Variants in SRR observed in about 807,000 individuals in gnomAD.
SRR encodes D-serine ammonia-lyase.
Under a neutral mutation model 32.7 loss-of-function variants are expected in SRR, and 19 were observed. That is an observed-to-expected ratio of 0.58 (90% CI 0.40 to 0.85). SRR has a LOEUF of 0.85. Ranked by LOEUF, SRR falls within the 40% of genes least tolerant of loss-of-function variation. The pLI is 0.00. For synonymous variants in SRR, 142 were observed against 140.9 expected, an observed-to-expected ratio of 1.01 and a Z score of -0.06; for missense variants, 373 against 404.7, an observed-to-expected ratio of 0.92 and a Z score of 0.67.
intron 1 of SRR, among the ~76,000 whole-genome samples, chr17:2,305,979 G>C (rs1027053036): frequency 6.6e-6 from 1 of 150,944 alleles, no homozygotes. Context: ...GATTACAGGC[G>C]TGAGCCACCG....
Position 2,321,701 on chromosome 17 carries a change from C to T in SRR, c.594+85C>T, listed in dbSNP as rs1156449910. ...GTTCTGTATACACGTGCTCAACATT[C>T]TGCACACATTACCATTCCTTCCCCT... On this transcript the variant is annotated intron_variant, in intron 6 of 7. Transcript: ENST00000344595. 4.9e-6 allele frequency: 6 copies of T among 1,218,308 alleles called. No individual in the cohort carries two copies. In the South Asian group the frequency reaches 6.2e-5, roughly 13 times the overall value. 75.5% of individuals were successfully genotyped at this position (1,218,308 alleles called of 1,614,324 possible). A position where few individuals can be genotyped will look rare whatever the true frequency, so the allele number is the denominator to read the frequency against.
chr17:2,324,403 A>C lies in SRR; in HGVS notation c.*530A>C. 1.3e-6 allele frequency: 2 copies of C among 1,597,766 alleles called. No individual in the cohort carries two copies. Among genetic ancestry groups the C allele is most frequent in the Non-Finnish European group, 1.7e-6 (2 of 1,172,834 alleles). On this transcript the variant is annotated 3_prime_UTR_variant, in exon 8 of 8. Transcript: ENST00000344595. Reference sequence around the variant, plus strand: ...GAAAGACATCAGAACAAGTCGGTCAAATTAAAAGTAGAAAATTTTAAAGCA... The same window carrying C: ...GAAAGACATCAGAACAAGTCGGTCACATTAAAAGTAGAAAATTTTAAAGCA...
Position 2,323,550 on chromosome 17 carries a change from C to A in SRR, c.805-105C>A, listed in dbSNP as rs1265710122. 3.1e-6 allele frequency: 4 copies of A among 1,289,558 alleles called. No homozygotes were observed. In the African/African-American group the frequency reaches 5.9e-5, roughly 19 times the overall value. The allele number at this position is 1,289,558 out of a possible 1,614,324, so 79.9% of individuals were successfully genotyped here. Reference sequence around the variant, plus strand: ...AAAAGCTTTGGGAAGCGTGTGTACACAGTGATAAGAAAATTCAAACTGGAC... The same window carrying A: ...AAAAGCTTTGGGAAGCGTGTGTACAAAGTGATAAGAAAATTCAAACTGGAC... On this transcript the variant is annotated intron_variant, in intron 7 of 7. Coordinates refer to ENST00000344595, the MANE Select transcript of SRR (RefSeq NM_021947.3).
chr17:2,321,161 G>T, intron 4 of SRR, 145 bp from the exon 5 acceptor site: 1 of 928,288 alleles, frequency 1.1e-6, no homozygotes, highest in Non-Finnish European at 1.7e-6. Context: ...TTGAGGGCAG[G>T]GATATTTTAT....
chr17:2,307,711 G>T, intron 1 of SRR: 1 of 1,000,536 alleles, frequency 1.0e-6, no homozygotes, highest in South Asian at 1.3e-5. Flanking sequence ...AGTGGCGGAA[G>T]ATTTTAATTA....
At chr17:2,306,496 C>G (rs2075391330) in intron 1 of SRR, among the ~76,000 whole-genome samples, 1 of 152,132 alleles carries the variant, frequency 6.6e-6, no homozygotes, top group Non-Finnish European at 1.5e-5. Flanking sequence ...GTGGGCAGAT[C>G]ACTTGAGGTC....
At chr17:2,309,357 C>G (rs374515000) in intron 1 of SRR, among the ~76,000 whole-genome samples, 2 of 152,204 alleles carry the variant, frequency 1.3e-5, no homozygotes, top group African/African-American at 4.8e-5. Flanking sequence ...AATCATCTCC[C>G]CAGCATTCTC....
In SRR at chr17:2,321,631, G is replaced by A. The variant is rs188806691; in HGVS notation, c.594+15G>A. On this transcript the variant is annotated intron_variant, in intron 6 of 7. Transcript: ENST00000344595. ...TTACAGTTAAGGTGAGCAGCTTCTG[G>A]AGGATTCCCTGCTTCAAGCAGAGGA... 4 of 1,612,796 alleles carry A rather than the reference G, an allele frequency of 2.5e-6. No homozygotes were observed. The East Asian group carries it at 6.7e-5, about 27-fold the overall frequency.
chr17:2,320,891 C>A (rs1011443775), intron 4 of SRR, among the ~76,000 whole-genome samples: 1 of 152,182 alleles, frequency 6.6e-6, no homozygotes, highest in Non-Finnish European at 1.5e-5. Flanking sequence ...TTTCTCTTGC[C>A]CACTCTGTGC....
At chr17:2,303,459 G>A, upstream of SRR, 1 of 1,316,406 alleles carries the variant, frequency 7.6e-7, no homozygotes, top group Non-Finnish European at 9.7e-7. Context: ...GCCCGACCCC[G>A]CACTAACCCG....
chr17:2,303,578 G>T, upstream of SRR: 2 of 1,374,878 alleles, frequency 1.5e-6, no homozygotes, highest in Non-Finnish European at 1.9e-6. Flanking sequence ...CAGAGGAGGA[G>T]GAGAGGGAGG....
At chr17:2,316,188 A>C (rs571533515) in intron 2 of SRR, among the ~76,000 whole-genome samples, 1 of 152,298 alleles carries the variant, frequency 6.6e-6, no homozygotes, top group East Asian at 1.9e-4. Flanking sequence ...GTAACATGCT[A>C]TACAGGGTTT....
upstream of SRR, chr17:2,303,846 C>T (rs1480273856): frequency 1.3e-6 from 1 of 762,014 alleles, no homozygotes; most frequent in Non-Finnish European, 2.0e-6. Context: ...GCCGCCCTCC[C>T]TTTCCGAACG....
intron 2 of SRR, among the ~76,000 whole-genome samples, chr17:2,316,288 T>C (rs536952826): frequency 6.6e-6 from 1 of 152,310 alleles, no homozygotes; most frequent in Non-Finnish European, 1.5e-5. Flanking sequence ...AAATCATGCA[T>C]TTCTCGAAAC....
upstream of SRR, chr17:2,303,849 T>TA: frequency 1.7e-6 from 1 of 589,132 alleles, no homozygotes; most frequent in Non-Finnish European, 2.5e-6. Context: ...GCCCTCCCTT[T>TA]CCGAACGACG....
chr17:2,323,110 A>C (rs1191861632), intron 6 of SRR, 26 bp from the exon 7 acceptor site: 1 of 1,611,088 alleles, frequency 6.2e-7, no homozygotes, highest in African/African-American at 1.3e-5. Context: ...TTTGTTGTTA[A>C]GATGTCTTAA....
At chr17:2,303,740 G>C (rs931794975), upstream of SRR, 7 of 1,484,648 alleles carry the variant, frequency 4.7e-6, no homozygotes, top group Admixed American at 9.2e-5. Flanking sequence ...TGCTGCTACA[G>C]CCGTAGCGGC....
At chr17:2,321,713 C>T in intron 6 of SRR, 97 bp downstream of exon 6, 1 of 1,071,514 alleles carries the variant, frequency 9.3e-7, no homozygotes, top group Non-Finnish European at 1.4e-6. Context: ...GCACACATTA[C>T]CATTCCTTCC....
chr17:2,307,420 A>G (rs1434557713), intron 1 of SRR: 8 of 1,264,990 alleles, frequency 6.3e-6, no homozygotes, highest in Non-Finnish European at 9.1e-6. Context: ...TTGTGAAGGA[A>G]ATTTCAGTGG....
Sources: allele counts gnomAD v4.1 joint callset (sites outside exome capture counted in the v4.1 genomes callset), GRCh38; gene constraint gnomAD v4.1.1; transcripts MANE v1.5; gene names NCBI Gene and HGNC (gene_info 2026-07-23, HGNC 2026-07-21).